MBD5: variants seen among roughly 807,000 people sequenced by gnomAD.
MBD5 encodes methyl-CpG-binding domain protein 5.
A neutral mutation model predicts 117.3 loss-of-function variants in MBD5; 13 were observed. The ratio of observed to expected loss-of-function variants is 0.11; its 90% CI spans 0.07 to 0.18. The LOEUF is 0.18. Among genes scored for constraint, MBD5 ranks in the 10% least tolerant of loss-of-function variants. MBD5 has a pLI of 1.00. For missense variants in MBD5, 1,879 were observed against 2,093.8 expected, an observed-to-expected ratio of 0.90 and a Z score of 2.00; for synonymous variants, 727 against 766.4, an observed-to-expected ratio of 0.95 and a Z score of 0.85.
At chr2:148,076,600 G>A (rs530635564) in intron 1 of MBD5, among the ~76,000 whole-genome samples, 1 of 152,324 alleles carries the variant, frequency 6.6e-6, no homozygotes, top group African/African-American at 2.4e-5. Context: ...AAGCTGTGAA[G>A]TTAGTCTTCT....
At position 148,483,375 on chromosome 2, in the gene MBD5, G is replaced by A. The variant is rs1374519500; in HGVS notation, c.2784G>A (p.Val928=). 17 of 1,613,992 alleles carry A rather than the reference G, an allele frequency of 1.1e-5. No individual in the cohort carries two copies. Among genetic ancestry groups the A allele is most frequent in the Non-Finnish European group, 1.4e-5 (17 of 1,180,000 alleles). The stretch of plus-strand genomic sequence containing the variant: ...GTTCTCTACCTATCTCTTTGCCAGT[G>A]AATCAACAGCATCTCCTAAACCAGA... ...LLSSLPISLP[V]NQQHLLNQNL... The change falls in exon 9 of 14, where the codon GTG becomes GTA. Residue 928 remains valine, a synonymous_variant. Coordinates refer to ENST00000642680, the MANE Select transcript of MBD5 (RefSeq NM_001378120.1).
chr2:148,426,387 C>T (rs1574411859), intron 4 of MBD5, among the ~76,000 whole-genome samples: 2 of 152,000 alleles, frequency 1.3e-5, no homozygotes, highest in South Asian at 2.1e-4. Context: ...CATCACACTA[C>T]CTGACTTCAA....
chr2:148,345,096 T>C (rs1290958794), intron 4 of MBD5, among the ~76,000 whole-genome samples: 1 of 151,734 alleles, frequency 6.6e-6, no homozygotes, highest in Non-Finnish European at 1.5e-5. Context: ...ACGTATGTCT[T>C]CAAGATGTTG....
intron 12 of MBD5, among the ~76,000 whole-genome samples, chr2:148,509,255 G>A (rs879285566): frequency 6.6e-6 from 1 of 152,318 alleles, no homozygotes; most frequent in Non-Finnish European, 1.5e-5. Context: ...CAAGTTAACA[G>A]TCAGGATGGG....
At chr2:148,241,325 G>A (rs1412570557) in intron 3 of MBD5, among the ~76,000 whole-genome samples, 1 of 152,022 alleles carries the variant, frequency 6.6e-6, no homozygotes, top group Admixed American at 6.5e-5. Context: ...TTAGTATAGG[G>A]ATATAATATT....
intron 1 of MBD5, among the ~76,000 whole-genome samples, chr2:148,137,539 C>T (rs980328742): frequency 3.3e-5 from 5 of 152,082 alleles, no homozygotes; most frequent in African/African-American, 1.2e-4. Context: ...GCAGGAAGAT[C>T]GCTTGAGGCC....
At chr2:148,254,846 C>A (rs921651339) in intron 3 of MBD5, among the ~76,000 whole-genome samples, 3 of 152,128 alleles carry the variant, frequency 2.0e-5, no homozygotes, top group Non-Finnish European at 4.4e-5. Flanking sequence ...ACTACATGTT[C>A]CCCCACGAGC....
intron 3 of MBD5, among the ~76,000 whole-genome samples, chr2:148,338,664 G>A (rs78062651): frequency 0.11 from 17,255 of 152,142 alleles, 1,296 homozygotes; most frequent in Non-Finnish European, 0.18. Flanking sequence ...CAAAATATGT[G>A]TATTACTTTT....
intron 3 of MBD5, among the ~76,000 whole-genome samples, chr2:148,318,649 A>G (rs562781346): frequency 4.8e-4 from 73 of 152,248 alleles, no homozygotes; most frequent in African/African-American, 1.7e-3. Flanking sequence ...GTGATATACA[A>G]AAATTCTTAC....
At chr2:148,415,592 A>T (rs1450295565) in intron 4 of MBD5, among the ~76,000 whole-genome samples, 1 of 152,196 alleles carries the variant, frequency 6.6e-6, no homozygotes, top group African/African-American at 2.4e-5. Flanking sequence ...CCTCTCATTC[A>T]GGGATGCTAA....
In MBD5 at chr2:148,059,760, G is replaced by A. The variant is rs1417980036; in HGVS notation, c.-925+38076G>A. Among the ~76,000 whole-genome samples the A allele has an allele frequency of 4.0e-5, 6 of 151,838 alleles. No homozygotes were observed. In the East Asian group the frequency reaches 1.2e-3, roughly 29 times the overall value. ...ACTTGGGAGGCTGAGGCAGGAGAAT[G>A]GCGTGAACCCGGGAGGCGGAGCTTG... is the stretch of plus-strand genomic sequence containing the variant. On this transcript the variant is annotated intron_variant, in intron 1 of 13. Coordinates refer to ENST00000642680, the MANE Select transcript of MBD5 (RefSeq NM_001378120.1).
intron 2 of MBD5, among the ~76,000 whole-genome samples, chr2:148,191,014 C>A (rs1455905969): frequency 6.7e-6 from 1 of 149,660 alleles, no homozygotes; most frequent in African/African-American, 2.5e-5. Flanking sequence ...CAAAGAAGGC[C>A]ATTACATAAT....
At chr2:148,479,519 A>G (rs1681077942) in intron 8 of MBD5, among the ~76,000 whole-genome samples, 1 of 152,210 alleles carries the variant, frequency 6.6e-6, no homozygotes, top group South Asian at 2.1e-4. Flanking sequence ...ACAGTGATAA[A>G]TAAGAAATGA....
chr2:148,338,753 C>G (rs1472362134), intron 3 of MBD5, among the ~76,000 whole-genome samples: 2 of 152,150 alleles, frequency 1.3e-5, no homozygotes, highest in African/African-American at 4.8e-5. Context: ...TCAGGAGAAA[C>G]ACACAGGAAC....
intron 1 of MBD5, among the ~76,000 whole-genome samples, chr2:148,116,084 TC>T (rs1696631478): frequency 1.3e-5 from 2 of 152,062 alleles, no homozygotes; most frequent in African/African-American, 4.8e-5. Flanking sequence ...GCTCAAGCCA[TC>T]CGCCTGCCTC....
intron 3 of MBD5, among the ~76,000 whole-genome samples, chr2:148,326,559 C>A (rs753352359): frequency 2.4e-4 from 36 of 152,256 alleles, no homozygotes; most frequent in Non-Finnish European, 4.7e-4. Flanking sequence ...GTTAGCTTTT[C>A]TTGGTGAATT....
intron 3 of MBD5, among the ~76,000 whole-genome samples, chr2:148,241,207 A>T (rs1054489570): frequency 6.6e-6 from 1 of 152,044 alleles, no homozygotes; most frequent in Non-Finnish European, 1.5e-5. Flanking sequence ...CCTTTTTTCT[A>T]ACAGTTAAAT....
At chr2:148,407,302 A>T (rs1705110347) in intron 4 of MBD5, among the ~76,000 whole-genome samples, 1 of 151,812 alleles carries the variant, frequency 6.6e-6, no homozygotes, top group Non-Finnish European at 1.5e-5. Context: ...AAGACTAATG[A>T]AGACTTGATA....
In MBD5 at chr2:148,483,621, G is replaced by T; in HGVS notation, c.3030G>T (p.Leu1010=). 1 of 1,552,220 alleles carries T rather than the reference G, an allele frequency of 6.4e-7. No homozygotes were observed. The highest frequency in any genetic ancestry group is 8.7e-7 in the Non-Finnish European group (1 of 1,147,662). ...AAMLPLPSFN[L]TISDLLQQQN... is the part of the protein sequence containing the mutation. ...TGCTTCCCCTGCCATCTTTCAATCT[G>T]ACCATCTCAGATCTTTTGCAACAGC... Residue 1010 remains leucine (L), a synonymous_variant, in exon 9 of 14, where the codon CTG becomes CTT. Transcript: ENST00000642680.
Sources: gnomAD v4.1 joint callset for allele counts (sites outside exome capture counted in the v4.1 genomes callset) on GRCh38, gnomAD v4.1.1 for gene constraint, MANE v1.5 for transcripts, NCBI Gene and HGNC (gene_info 2026-07-23, HGNC 2026-07-21) for gene names.